Variants in GRIK1 observed in about 807,000 individuals in gnomAD.
GRIK1 encodes the protein glutamate receptor ionotropic, kainate 1.
In GRIK1, 69 loss-of-function variants were observed where a neutral mutation model predicts 105.7. That is an observed-to-expected ratio of 0.65 (90% CI 0.54 to 0.80). The LOEUF (loss-of-function observed/expected upper bound fraction) is 0.80, where lower values mean the gene tolerates loss of function less well. GRIK1 is among the 30% of genes least tolerant of loss of function. The pLI is 0.00. For missense variants in GRIK1, 1,109 were observed against 1,167.3 expected, an observed-to-expected ratio of 0.95 and a Z score of 0.73; for synonymous variants, 438 against 431.3, an observed-to-expected ratio of 1.02 and a Z score of -0.19.
At chr21:29,589,733 A>G (rs985913079) in intron 10 of GRIK1, among the ~76,000 whole-genome samples, 1 of 152,118 alleles carries the variant, frequency 6.6e-6, no homozygotes, top group African/African-American at 2.4e-5. Flanking sequence ...CCTGGCTTTT[A>G]TCTAAGAACC....
chr21:29,747,149 A>G (rs1361812426), intron 1 of GRIK1, among the ~76,000 whole-genome samples: 1 of 152,232 alleles, frequency 6.6e-6, no homozygotes, highest in Non-Finnish European at 1.5e-5. Flanking sequence ...CCTTAAATAG[A>G]CAAAAGAGCT....
intron 1 of GRIK1, among the ~76,000 whole-genome samples, chr21:29,899,763 G>A (rs1315092916): frequency 6.6e-6 from 1 of 152,076 alleles, no homozygotes; most frequent in East Asian, 1.9e-4. Flanking sequence ...GGCTGCCCCA[G>A]ACTGAAGTAG....
At chr21:29,712,057 C>T (rs908431599) in intron 1 of GRIK1, among the ~76,000 whole-genome samples, 3 of 126,036 alleles carry the variant, frequency 2.4e-5, no homozygotes, top group East Asian at 2.4e-4. Context: ...TGTGTGTATA[C>T]GTATATAAGT....
At chr21:29,612,499 T>C (rs557593204) in intron 7 of GRIK1, among the ~76,000 whole-genome samples, 4 of 152,194 alleles carry the variant, frequency 2.6e-5, no homozygotes, top group Non-Finnish European at 1.5e-5. Flanking sequence ...TCTCCCCACA[T>C]TGAAACTTCT....
chr21:29,644,530 T>C (rs73900044), intron 6 of GRIK1, among the ~76,000 whole-genome samples: 2 of 152,366 alleles, frequency 1.3e-5, no homozygotes, highest in African/African-American at 4.8e-5. Flanking sequence ...GCTTATGTAA[T>C]TGACATACTG....
intron 7 of GRIK1, among the ~76,000 whole-genome samples, chr21:29,642,172 G>T (rs1179141316): frequency 6.6e-6 from 1 of 152,142 alleles, no homozygotes; most frequent in African/African-American, 2.4e-5. Flanking sequence ...AGGAGTCACG[G>T]GGCTTAGAAC....
At chr21:29,671,906 T>A (rs7278391) in intron 4 of GRIK1, among the ~76,000 whole-genome samples, 10,073 of 152,116 alleles carry the variant, frequency 0.066, 898 homozygotes, top group African/African-American at 0.2. Context: ...TTACAAGATG[T>A]TTAGCAGTAC....
chr21:29,919,691 C>T (rs887567628), intron 1 of GRIK1, among the ~76,000 whole-genome samples: 1 of 152,084 alleles, frequency 6.6e-6, no homozygotes, highest in Non-Finnish European at 1.5e-5. Flanking sequence ...ATTATAGAAA[C>T]AGCCATTTGA....
At chr21:29,575,891 C>T (rs1338051356) in intron 14 of GRIK1, among the ~76,000 whole-genome samples, 2 of 151,992 alleles carry the variant, frequency 1.3e-5, no homozygotes, top group South Asian at 2.1e-4. Flanking sequence ...AAACAAAAAA[C>T]CCCAAACAGT....
chr21:29,844,196 AT>A (rs1011146311), intron 1 of GRIK1, among the ~76,000 whole-genome samples: 6 of 151,904 alleles, frequency 3.9e-5, no homozygotes, highest in African/African-American at 1.5e-4. Flanking sequence ...TATGAATATG[AT>A]TTAAAAAAAA....
At chr21:29,909,313 T>C (rs1353362346) in intron 1 of GRIK1, among the ~76,000 whole-genome samples, 1 of 152,016 alleles carries the variant, frequency 6.6e-6, no homozygotes, top group South Asian at 2.1e-4. Context: ...TATGGCCCTA[T>C]AAAATATTTA....
chr21:29,895,686 C>T (rs1209379652), intron 1 of GRIK1, among the ~76,000 whole-genome samples: 1 of 152,122 alleles, frequency 6.6e-6, no homozygotes, highest in Non-Finnish European at 1.5e-5. Flanking sequence ...GTATTCAGGT[C>T]TTCATATTGG....
At chr21:29,757,024 G>A (rs2065363480) in intron 1 of GRIK1, among the ~76,000 whole-genome samples, 1 of 152,160 alleles carries the variant, frequency 6.6e-6, no homozygotes, top group Non-Finnish European at 1.5e-5. Context: ...GGCTGAGGCA[G>A]GAGACTTGCT....
At chr21:29,751,725 T>A (rs1360851273) in intron 1 of GRIK1, among the ~76,000 whole-genome samples, 1 of 152,238 alleles carries the variant, frequency 6.6e-6, no homozygotes, top group Non-Finnish European at 1.5e-5. Flanking sequence ...TGGGAGGGAA[T>A]CTGCATATGT....
intron 7 of GRIK1, among the ~76,000 whole-genome samples, chr21:29,602,937 T>G (rs1177786086): frequency 2.0e-5 from 3 of 152,164 alleles, no homozygotes; most frequent in Non-Finnish European, 4.4e-5. Flanking sequence ...TTGTAAGCAG[T>G]GTGTTGGTTA....
chr21:29,549,202 A>C (rs186303560), intron 16 of GRIK1, among the ~76,000 whole-genome samples: 9 of 152,290 alleles, frequency 5.9e-5, no homozygotes, highest in Admixed American at 5.9e-4. Flanking sequence ...ATCCACAGAC[A>C]ATCTGTTATT....
At position 29,711,683 on chromosome 21, in the gene GRIK1, G is replaced by T. The variant is rs546116720; in HGVS notation, c.119-17620C>A. 3.3e-5 allele frequency among the ~76,000 whole-genome samples: 5 copies of T among 152,090 alleles called. No individual in the cohort carries two copies. The East Asian group carries it at 9.6e-4, about 29-fold the overall frequency. ...TTAAAAAAATTTGTTAAAGCATTGG[G>T]TTTGTAGGTTTACTGCTCTATGTAA... On this transcript the variant is annotated intron_variant, in intron 1 of 17. Coordinates refer to ENST00000327783, the MANE Select transcript of GRIK1 (RefSeq NM_001330994.2).
intron 5 of GRIK1, among the ~76,000 whole-genome samples, chr21:29,652,482 G>A (rs1021329652): frequency 1.3e-5 from 2 of 152,186 alleles, no homozygotes; most frequent in Non-Finnish European, 2.9e-5. Flanking sequence ...TTACATGGAT[G>A]CAAGAACATC....
intron 1 of GRIK1, among the ~76,000 whole-genome samples, chr21:29,912,641 C>T (rs1417277707): frequency 6.6e-6 from 1 of 151,974 alleles, no homozygotes; most frequent in East Asian, 1.9e-4. Flanking sequence ...TTCTAAAGCC[C>T]TGGATATAGA....
Sources: gnomAD v4.1 joint callset for allele counts (sites outside exome capture counted in the v4.1 genomes callset) on GRCh38, gnomAD v4.1.1 for gene constraint, MANE v1.5 for transcripts, NCBI Gene and HGNC (gene_info 2026-07-23, HGNC 2026-07-21) for gene names.